Variants in ZNF804B observed in about 807,000 individuals in gnomAD.
The protein encoded by ZNF804B is zinc finger 804B.
ZNF804B carries 80 observed loss-of-function variants against 101.4 expected under a neutral mutation model. That is an observed-to-expected ratio of 0.79 (90% CI 0.66 to 0.95). The LOEUF (loss-of-function observed/expected upper bound fraction) is 0.95, where lower values mean the gene tolerates loss of function less well. Among genes scored for constraint, ZNF804B ranks in the 40% least tolerant of loss-of-function variants. The pLI is 0.00. For synonymous variants in ZNF804B, 622 were observed against 558.8 expected (o/e 1.11, Z -1.59); for missense variants, 1,673 against 1,561.9 (o/e 1.07, Z -1.20).
In ZNF804B at chr7:89,050,691, A is replaced by C. The variant is rs142386678; in HGVS notation, c.109-167464A>C. On this transcript the variant is annotated intron_variant, in intron 1 of 3. Coordinates refer to ENST00000333190, the MANE Select transcript of ZNF804B (RefSeq NM_181646.5). ...TATTTATTGAAAGACCTTCCAAGAA[A>C]ATAGGAAATTTTCTTCCTCTTTCTG... Among the ~76,000 whole-genome samples, 218 of 152,240 alleles carry C rather than the reference A, an allele frequency of 1.4e-3. 1 individual carries two copies. The highest frequency in any genetic ancestry group is 5.0e-3 in the African/African-American group (208 of 41,556).
chr7:89,132,018 C>T (rs1316669876), intron 1 of ZNF804B, among the ~76,000 whole-genome samples: 1 of 151,936 alleles, frequency 6.6e-6, no homozygotes, highest in Non-Finnish European at 1.5e-5. Flanking sequence ...TTATTACATG[C>T]ATATAACAAT....
intron 1 of ZNF804B, among the ~76,000 whole-genome samples, chr7:88,849,831 T>A (rs1468256437): frequency 1.3e-5 from 2 of 151,920 alleles, no homozygotes; most frequent in South Asian, 2.1e-4. Context: ...AAGGTTATTT[T>A]AAAAAAATAT....
At chr7:89,134,360 C>T (rs1790598461) in intron 1 of ZNF804B, among the ~76,000 whole-genome samples, 1 of 151,978 alleles carries the variant, frequency 6.6e-6, no homozygotes, top group Non-Finnish European at 1.5e-5. Flanking sequence ...AATGGAGCTG[C>T]TTTTTTCTGT....
At chr7:89,201,096 C>T (rs917429214) in intron 1 of ZNF804B, among the ~76,000 whole-genome samples, 1 of 151,860 alleles carries the variant, frequency 6.6e-6, no homozygotes, top group Non-Finnish European at 1.5e-5. Flanking sequence ...TGTTTCTTAT[C>T]AATGAAAGTT....
intron 1 of ZNF804B, among the ~76,000 whole-genome samples, chr7:88,819,706 A>G (rs904033991): frequency 1.3e-5 from 2 of 152,232 alleles, no homozygotes; most frequent in Admixed American, 6.5e-5. Context: ...CAATAATTAT[A>G]TGAAGAACAT....
chr7:89,130,319 A>G (rs1584003911), intron 1 of ZNF804B, among the ~76,000 whole-genome samples: 1 of 152,068 alleles, frequency 6.6e-6, no homozygotes, highest in East Asian at 1.9e-4. Context: ...GTTACCCAGG[A>G]AAGGAGTAGG....
intron 1 of ZNF804B, among the ~76,000 whole-genome samples, chr7:89,001,217 A>C (rs1447766369): frequency 6.6e-6 from 1 of 150,476 alleles, no homozygotes; most frequent in Non-Finnish European, 1.5e-5. Context: ...TTCTCACCAC[A>C]AAAGGAACCA....
At chr7:89,214,564 A>C (rs1360832966) in intron 1 of ZNF804B, among the ~76,000 whole-genome samples, 1 of 152,182 alleles carries the variant, frequency 6.6e-6, no homozygotes, top group Non-Finnish European at 1.5e-5. Context: ...TTTCAGTAAA[A>C]GTATCCTGTC....
At chr7:88,851,788 C>G (rs1791454012) in intron 1 of ZNF804B, among the ~76,000 whole-genome samples, 2 of 151,902 alleles carry the variant, frequency 1.3e-5, no homozygotes, top group Non-Finnish European at 2.9e-5. Context: ...ACAGCAATAA[C>G]AATGCATCAT....
intron 2 of ZNF804B, among the ~76,000 whole-genome samples, chr7:89,296,661 C>A (rs1469005478): frequency 1.3e-5 from 2 of 151,990 alleles, no homozygotes; most frequent in Non-Finnish European, 2.9e-5. Context: ...GTAGTAGACC[C>A]CAATACTTGA....
intron 2 of ZNF804B, among the ~76,000 whole-genome samples, chr7:89,290,221 A>G (rs1191174446): frequency 6.6e-6 from 1 of 152,178 alleles, no homozygotes; most frequent in Non-Finnish European, 1.5e-5. Context: ...ATACCCAGTT[A>G]GTATCAAAAA....
At chr7:89,267,695 G>T (rs1238832964) in intron 2 of ZNF804B, among the ~76,000 whole-genome samples, 2 of 152,144 alleles carry the variant, frequency 1.3e-5, no homozygotes, top group East Asian at 3.9e-4. Flanking sequence ...AGCAAGGAAG[G>T]AGTCATTTTC....
intron 2 of ZNF804B, among the ~76,000 whole-genome samples, chr7:89,273,221 A>C (rs1789926127): frequency 6.6e-6 from 1 of 152,106 alleles, no homozygotes; most frequent in Admixed American, 6.6e-5. Flanking sequence ...AGACAGACTA[A>C]AGCAATGACC....
At chr7:88,760,234 C>T in intron 1 of ZNF804B, 150 bp downstream of exon 1, 5 of 631,802 alleles carry the variant, frequency 7.9e-6, no homozygotes, top group South Asian at 7.8e-5. Flanking sequence ...ACATCGTGTC[C>T]GTTTATACAA....
intron 2 of ZNF804B, among the ~76,000 whole-genome samples, chr7:89,252,982 AG>A (rs1426159144): frequency 2.0e-5 from 3 of 152,212 alleles, no homozygotes; most frequent in Non-Finnish European, 2.9e-5. Flanking sequence ...AGATATTCCC[AG>A]GTAACAAACC....
chr7:88,812,387 A>G (rs1790804105), intron 1 of ZNF804B, among the ~76,000 whole-genome samples: 1 of 152,240 alleles, frequency 6.6e-6, no homozygotes, highest in Admixed American at 6.5e-5. Context: ...GAATGTGGAA[A>G]CATTGGAATG....
At chr7:89,305,225 T>C (rs1475728318) in intron 2 of ZNF804B, among the ~76,000 whole-genome samples, 1 of 152,030 alleles carries the variant, frequency 6.6e-6, no homozygotes. Flanking sequence ...TCTTATATCA[T>C]TATTATTATT....
At chr7:88,762,501 G>A (rs1789913919) in intron 1 of ZNF804B, among the ~76,000 whole-genome samples, 2 of 152,106 alleles carry the variant, frequency 1.3e-5, no homozygotes, top group Admixed American at 1.3e-4. Context: ...ATGTGTGTTT[G>A]CCTTCCTTAC....
chr7:89,010,039 C>A (rs1788431818), intron 1 of ZNF804B, among the ~76,000 whole-genome samples: 1 of 152,008 alleles, frequency 6.6e-6, no homozygotes, highest in Admixed American at 6.6e-5. Flanking sequence ...TTTTTTATAT[C>A]TATTATTGTA....
Sources: gnomAD v4.1 joint callset for allele counts (sites outside exome capture counted in the v4.1 genomes callset) on GRCh38, gnomAD v4.1.1 for gene constraint, MANE v1.5 for transcripts, NCBI Gene and HGNC (gene_info 2026-07-23, HGNC 2026-07-21) for gene names.